The following TRPM6 variants were observed in gnomAD, a reference collection of about 807,000 sequenced individuals.
The protein encoded by TRPM6 is channel kinase 2.
TRPM6 carries 111 observed loss-of-function variants against 247.6 expected under a neutral mutation model. That is an observed-to-expected ratio of 0.45 (90% CI 0.38 to 0.52). TRPM6 has a LOEUF of 0.52. Ranked by LOEUF, TRPM6 falls within the 20% of genes least tolerant of loss-of-function variation. The pLI, the probability that TRPM6 is intolerant of heterozygous loss-of-function variation, is 0.00. For missense variants in TRPM6, 2,126 were observed against 2,421.5 expected (o/e 0.88, Z 2.56); for synonymous variants, 892 against 853.8 (o/e 1.04, Z -0.78).
intron 20 of TRPM6, among the ~76,000 whole-genome samples, chr9:74,788,048 A>C (rs114851488): frequency 0.012 from 1,793 of 152,038 alleles, 30 homozygotes; most frequent in African/African-American, 0.04. Flanking sequence ...CTCATTACGA[A>C]CTAGAAATTT....
At chr9:74,855,485 G>C (rs781405111) in intron 3 of TRPM6, 42 bp downstream of exon 3, 17 of 1,435,114 alleles carry the variant, frequency 1.2e-5, no homozygotes, top group Non-Finnish European at 1.7e-5. Flanking sequence ...TTTAAATAGG[G>C]TGCCTAAAAG....
At chr9:74,761,544 T>A in intron 27 of TRPM6, 152 bp downstream of exon 27, 1 of 642,780 alleles carries the variant, frequency 1.6e-6, no homozygotes, top group Non-Finnish European at 2.8e-6. Flanking sequence ...ACCCCACCCA[T>A]CTCTTAAAAA....
chr9:74,783,491 T>G (rs1827535611), intron 21 of TRPM6, among the ~76,000 whole-genome samples: 1 of 152,202 alleles, frequency 6.6e-6, no homozygotes, highest in Non-Finnish European at 1.5e-5. Context: ...TCCAGAGCAG[T>G]TAAAAGCCAT....
intron 14 of TRPM6, chr9:74,804,488 C>T (rs1828462834): frequency 1.5e-6 from 1 of 682,636 alleles, no homozygotes; most frequent in South Asian, 1.5e-5. Flanking sequence ...TGCCTGATCT[C>T]TATTTCTACA....
chr9:74,810,920 G>A (rs373891880), intron 12 of TRPM6, 52 bp from the exon 13 acceptor site: 1 of 1,497,156 alleles, frequency 6.7e-7, no homozygotes, highest in Non-Finnish European at 9.3e-7. Context: ...CCATGTGCTG[G>A]GGGGTAAAAC....
intron 34 of TRPM6, 33 bp downstream of exon 34, chr9:74,739,690 T>A: frequency 6.2e-7 from 1 of 1,607,884 alleles, no homozygotes; most frequent in Non-Finnish European, 8.5e-7. Context: ...GACTTGTCCC[T>A]CTGGGCTATG....
At chr9:74,731,622 G>T (rs943514025) in intron 37 of TRPM6, among the ~76,000 whole-genome samples, 1 of 150,886 alleles carries the variant, frequency 6.6e-6, no homozygotes, top group Non-Finnish European at 1.5e-5. Flanking sequence ...CTAAAGCAGT[G>T]AATATTTATG....
chr9:74,724,828 G>A (rs1199110191), intron 38 of TRPM6, 82 bp from the exon 39 acceptor site: 9 of 1,570,278 alleles, frequency 5.7e-6, no homozygotes, highest in South Asian at 1.1e-5. Flanking sequence ...TTTAGGCTTT[G>A]CCAAGTGTTC....
intron 5 of TRPM6, among the ~76,000 whole-genome samples, chr9:74,834,965 C>G (rs1268001015): frequency 3.3e-5 from 5 of 152,144 alleles, no homozygotes; most frequent in Non-Finnish European, 7.3e-5. Context: ...AATAGGATTG[C>G]TGGGTCAAAT....
chr9:74,765,723 T>C (rs760313429), intron 25 of TRPM6, among the ~76,000 whole-genome samples: 9 of 152,156 alleles, frequency 5.9e-5, no homozygotes, highest in Non-Finnish European at 7.4e-5. Flanking sequence ...CTTCCCAAAA[T>C]AGTGTTAGAC....
At position 74,763,009 on chromosome 9, in the gene TRPM6, G is replaced by A; in HGVS notation, c.3662C>T (p.Thr1221Ile). The A allele has an allele frequency of 3.1e-6, 5 of 1,613,936 alleles. No individual in the cohort carries two copies. The highest frequency in any genetic ancestry group is 4.2e-6 in the Non-Finnish European group (5 of 1,179,846). The change falls in exon 26 of 39, where the codon ACC (threonine) becomes ATC (isoleucine). Residue 1221 changes from threonine (T) to isoleucine (I), a missense_variant. Physicochemically the swap from Thr to Ile is moderately conservative, Grantham distance 89. Coordinates refer to ENST00000360774, the MANE Select transcript of TRPM6 (RefSeq NM_017662.5). ...LQDLSALTVDTLKVLSAVDTL... is the reference protein window; with the variant it reads ...LQDLSALTVDILKVLSAVDTL... Reference sequence around the variant, plus strand: ...GTCAACAGCAGAAAGGACTTTCAGGGTATCCACAGTCAGGGCAGAGAGATC... The same window carrying A: ...GTCAACAGCAGAAAGGACTTTCAGGATATCCACAGTCAGGGCAGAGAGATC...
chr9:74,823,936 A>ATG (rs1019341136), intron 7 of TRPM6, among the ~76,000 whole-genome samples: 2 of 151,956 alleles, frequency 1.3e-5, no homozygotes, highest in Non-Finnish European at 2.9e-5. Context: ...GTGCGTCTGC[A>ATG]TGTGTGTGTA....
At chr9:74,767,815 A>T (rs1826878186) in intron 25 of TRPM6, among the ~76,000 whole-genome samples, 1 of 152,152 alleles carries the variant, frequency 6.6e-6, no homozygotes, top group Non-Finnish European at 1.5e-5. Flanking sequence ...ATAAAAATGA[A>T]AAAATTAAAA....
At chr9:74,828,357 G>T (rs1234737344) in intron 6 of TRPM6, among the ~76,000 whole-genome samples, 1 of 143,312 alleles carries the variant, frequency 7.0e-6, no homozygotes, top group Non-Finnish European at 1.5e-5. Context: ...GTCTCAAAAA[G>T]AAAAAAAAAA....
intron 31 of TRPM6, 34 bp downstream of exon 31, chr9:74,747,855 A>C: frequency 1.3e-6 from 2 of 1,556,108 alleles, no homozygotes; most frequent in Non-Finnish European, 1.8e-6. Context: ...AGATGAAAAA[A>C]TAAAAAATAA....
At chr9:74,842,984 G>A (rs190418622) in intron 3 of TRPM6, among the ~76,000 whole-genome samples, 36 of 152,298 alleles carry the variant, frequency 2.4e-4, no homozygotes, top group Non-Finnish European at 4.6e-4. Flanking sequence ...TGTAGCATGT[G>A]ATGCTATTTG....
intron 27 of TRPM6, 69 bp from the exon 28 acceptor site, chr9:74,755,542 A>C: frequency 6.3e-7 from 1 of 1,588,454 alleles, no homozygotes; most frequent in Non-Finnish European, 8.6e-7. Context: ...ACACTAACAG[A>C]AGCACCATGG....
intron 1 of TRPM6, among the ~76,000 whole-genome samples, chr9:74,880,301 C>T (rs1174744272): frequency 2.6e-5 from 4 of 151,986 alleles, no homozygotes; most frequent in African/African-American, 9.7e-5. Flanking sequence ...TAACTGAAAA[C>T]CTCCCAGGTC....
intron 24 of TRPM6, among the ~76,000 whole-genome samples, chr9:74,774,863 C>A (rs1339024398): frequency 1.3e-5 from 2 of 152,232 alleles, no homozygotes; most frequent in Admixed American, 6.5e-5. Flanking sequence ...CGCATCAATT[C>A]TCATCAGCCT....
Sources: allele counts gnomAD v4.1 joint callset (sites outside exome capture counted in the v4.1 genomes callset), GRCh38; gene constraint gnomAD v4.1.1; transcripts MANE v1.5; gene names NCBI Gene and HGNC (gene_info 2026-07-23, HGNC 2026-07-21).